The following ZFHX3 variants were observed in gnomAD, a reference collection of about 807,000 sequenced individuals.
ZFHX3 encodes zinc finger homeobox 3.
ZFHX3 carries 42 observed loss-of-function variants against 279.1 expected under a neutral mutation model. That is an observed-to-expected ratio of 0.15 (90% confidence interval 0.12 to 0.19). ZFHX3 has a LOEUF of 0.19. Ranked by LOEUF, ZFHX3 falls within the 10% of genes least tolerant of loss-of-function variation. The pLI, the probability that ZFHX3 is intolerant of heterozygous loss-of-function variation, is 1.00. For missense variants in ZFHX3, 4,981 were observed against 4,754.0 expected (o/e 1.05, Z -1.40); for synonymous variants, 2,293 against 1,957.8 (o/e 1.17, Z -4.52).
chr16:73,268,412 G>A (rs953060999), intron 4 of ZFHX3, among the ~76,000 whole-genome samples: 10 of 152,196 alleles, frequency 6.6e-5, no homozygotes, highest in African/African-American at 1.7e-4. Flanking sequence ...CAGTTACCCA[G>A]CGAGAGTCAC....
At chr16:73,168,962 C>T (rs917109679) in intron 5 of ZFHX3, among the ~76,000 whole-genome samples, 4 of 152,156 alleles carry the variant, frequency 2.6e-5, no homozygotes, top group East Asian at 1.9e-4. Flanking sequence ...CCCTTATCTG[C>T]GACTCCAAAC....
chr16:73,651,652 T>A (rs2052671993), intron 2 of ZFHX3, among the ~76,000 whole-genome samples: 1 of 114,604 alleles, frequency 8.7e-6, no homozygotes, highest in African/African-American at 3.3e-5. Context: ...CTGGCTAACA[T>A]GGTGAAACCC....
At chr16:72,960,285 C>T (rs368970862) in intron 1 of ZFHX3, 91 bp from the exon 2 acceptor site, 10 of 1,029,330 alleles carry the variant, frequency 9.7e-6, no homozygotes, top group Admixed American at 6.0e-5. Context: ...GAGGTCCTAC[C>T]GCACGGAGCG....
intron 5 of ZFHX3, among the ~76,000 whole-genome samples, chr16:73,215,061 C>T (rs988570244): frequency 1.1e-4 from 16 of 151,976 alleles, no homozygotes; most frequent in Admixed American, 4.6e-4. Flanking sequence ...CCATAAATAA[C>T]GGATTAAAAA....
At chr16:73,512,793 G>A (rs564153692) in intron 2 of ZFHX3, among the ~76,000 whole-genome samples, 1 of 152,168 alleles carries the variant, frequency 6.6e-6, no homozygotes, top group Non-Finnish European at 1.5e-5. Flanking sequence ...CAGGAGGTGG[G>A]AATGTTAGAA....
At chr16:73,796,500 G>C (rs1019681681) in intron 1 of ZFHX3, 3 of 152,200 alleles carry the variant, frequency 2.0e-5, no homozygotes, top group African/African-American at 7.2e-5. Flanking sequence ...TTCAGAATGA[G>C]TACACATGTC....
intron 2 of ZFHX3, among the ~76,000 whole-genome samples, chr16:72,953,363 A>G (rs1481911027): frequency 6.6e-6 from 1 of 152,194 alleles, no homozygotes; most frequent in Non-Finnish European, 1.5e-5. Flanking sequence ...CATCCAGGAA[A>G]CATACTCAGT....
chr16:73,674,723 C>T (rs1193439439), intron 2 of ZFHX3, among the ~76,000 whole-genome samples: 3 of 152,170 alleles, frequency 2.0e-5, no homozygotes, highest in South Asian at 2.1e-4. Context: ...AAATCAGTCT[C>T]GAAAAGTGCT....
chr16:72,808,137 T>C (rs1405506084), intron 7 of ZFHX3: 1 of 152,236 alleles, frequency 6.6e-6, no homozygotes, highest in African/African-American at 2.4e-5. Flanking sequence ...TGGCATGATT[T>C]TAACCATAGG....
At chr16:73,809,740 T>A (rs1275473385) in intron 1 of ZFHX3, 1 of 152,126 alleles carries the variant, frequency 6.6e-6, no homozygotes, top group Non-Finnish European at 1.5e-5. Context: ...TAAGGCAGTT[T>A]CTGTTTAGGC....
intron 7 of ZFHX3, among the ~76,000 whole-genome samples, chr16:73,105,457 A>ATAT (rs1555498948): frequency 2.8e-4 from 34 of 120,498 alleles, no homozygotes; most frequent in African/African-American, 1.2e-3. Context: ...ATATATATAT[A>ATAT]TTTTTTCCCC....
chr16:73,328,589 G>A (rs1268099737), intron 3 of ZFHX3, among the ~76,000 whole-genome samples: 1 of 152,188 alleles, frequency 6.6e-6, no homozygotes, highest in Non-Finnish European at 1.5e-5. Flanking sequence ...AGTTAACGAA[G>A]CTGCAAGGAG....
At chr16:73,466,447 G>T (rs953820033) in intron 2 of ZFHX3, among the ~76,000 whole-genome samples, 1 of 152,158 alleles carries the variant, frequency 6.6e-6, no homozygotes, top group African/African-American at 2.4e-5. Context: ...GCACCACTGC[G>T]CTCCAGCTTG....
At chr16:73,361,539 T>C (rs2016434020) in intron 3 of ZFHX3, among the ~76,000 whole-genome samples, 1 of 152,236 alleles carries the variant, frequency 6.6e-6, no homozygotes, top group Non-Finnish European at 1.5e-5. Flanking sequence ...TCAATGACTT[T>C]ATTTTCTCTC....
intron 2 of ZFHX3, among the ~76,000 whole-genome samples, chr16:73,523,827 C>T (rs2019647939): frequency 6.6e-6 from 1 of 152,100 alleles, no homozygotes; most frequent in Non-Finnish European, 1.5e-5. Context: ...GCAATTCAGA[C>T]ATCCACCATT....
intron 2 of ZFHX3, among the ~76,000 whole-genome samples, chr16:73,467,503 C>A (rs768694400): frequency 1.2e-4 from 19 of 152,002 alleles, no homozygotes; most frequent in Non-Finnish European, 2.5e-4. Flanking sequence ...GGTAGTGCAC[C>A]GACAGGCACA....
intron 1 of ZFHX3, among the ~76,000 whole-genome samples, chr16:73,771,614 T>C (rs2054018632): frequency 1.3e-5 from 2 of 152,114 alleles, no homozygotes; most frequent in South Asian, 4.2e-4. Context: ...AGACCAATTA[T>C]TTCACAGGAC....
intron 1 of ZFHX3, among the ~76,000 whole-genome samples, chr16:73,781,850 G>A (rs1959484555): frequency 1.3e-5 from 2 of 152,160 alleles, no homozygotes; most frequent in Non-Finnish European, 1.5e-5. Context: ...AGCTGAGTGT[G>A]GTGGTGTGCA....
intron 2 of ZFHX3, among the ~76,000 whole-genome samples, chr16:73,643,648 G>A (rs944857084): frequency 1.3e-4 from 20 of 152,092 alleles, no homozygotes; most frequent in Admixed American, 7.2e-4. Context: ...TGTTCCTTCC[G>A]AGCAATTCCA....
Sources: gnomAD v4.1 joint callset for allele counts (sites outside exome capture counted in the v4.1 genomes callset) on GRCh38, gnomAD v4.1.1 for gene constraint, MANE v1.5 for transcripts, NCBI Gene and HGNC (gene_info 2026-07-23, HGNC 2026-07-21) for gene names.